Variants in SCFD2 observed in about 807,000 individuals in gnomAD.
SCFD2 encodes the protein sec1 family domain containing 2.
In SCFD2, 54 loss-of-function variants were observed where a neutral mutation model predicts 58.9. The observed-to-expected ratio is 0.92, with a 90% confidence interval of 0.74 to 1.15. SCFD2 has a LOEUF of 1.15. SCFD2 is among the 50% of genes most tolerant of loss of function. The probability of loss-of-function intolerance (pLI) is 0.00; values close to 1 mark genes in which losing one functional copy is unlikely to be tolerated. For synonymous variants in SCFD2, 321 were observed against 335.9 expected (o/e 0.96, Z 0.49); for missense variants, 805 against 836.6 (o/e 0.96, Z 0.47).
intron 3 of SCFD2, among the ~76,000 whole-genome samples, chr4:53,278,299 G>C (rs942077462): frequency 2.0e-5 from 3 of 151,556 alleles, no homozygotes; most frequent in African/African-American, 7.3e-5. Context: ...CCGGGAGGTG[G>C]AGTAAGCCGA....
intron 5 of SCFD2, chr4:52,948,572 C>T (rs766124356): frequency 4.4e-6 from 2 of 455,776 alleles, no homozygotes; most frequent in South Asian, 3.1e-5. Flanking sequence ...TGCTAATATT[C>T]TGTTCCTAGT....
chr4:53,124,298 A>G (rs1226497440), intron 5 of SCFD2, among the ~76,000 whole-genome samples: 1 of 152,226 alleles, frequency 6.6e-6, no homozygotes, highest in East Asian at 1.9e-4. Context: ...AGTGTCTGAT[A>G]ACCAAACTTC....
intron 4 of SCFD2, among the ~76,000 whole-genome samples, chr4:53,213,684 C>A (rs564932056): frequency 6.6e-6 from 1 of 151,802 alleles, no homozygotes; most frequent in East Asian, 1.9e-4. Context: ...TTATAAAGTT[C>A]TAGGGTACAT....
intron 4 of SCFD2, among the ~76,000 whole-genome samples, chr4:53,251,812 G>A (rs1203006764): frequency 1.3e-5 from 2 of 151,682 alleles, no homozygotes; most frequent in Non-Finnish European, 2.9e-5. Context: ...CATTCCCTTT[G>A]AAAACTGGCA....
At chr4:52,880,982 T>A (rs1718596164) in intron 8 of SCFD2, among the ~76,000 whole-genome samples, 1 of 152,236 alleles carries the variant, frequency 6.6e-6, no homozygotes, top group Non-Finnish European at 1.5e-5. Flanking sequence ...AAACCTGGAA[T>A]CTCCCACTTG....
intron 4 of SCFD2, among the ~76,000 whole-genome samples, chr4:53,272,663 G>A (rs1282142554): frequency 2.0e-5 from 3 of 149,906 alleles, no homozygotes; most frequent in Non-Finnish European, 4.4e-5. Flanking sequence ...AGAATACATG[G>A]ACACAGGAAG....
intron 4 of SCFD2, among the ~76,000 whole-genome samples, chr4:53,215,863 T>G (rs1728808935): frequency 6.6e-6 from 1 of 151,628 alleles, no homozygotes; most frequent in African/African-American, 2.4e-5. Context: ...GAAGGGCTGC[T>G]AATTTTATCA....
chr4:53,149,316 T>C (rs1726434765), intron 4 of SCFD2, among the ~76,000 whole-genome samples: 1 of 152,168 alleles, frequency 6.6e-6, no homozygotes, highest in South Asian at 2.1e-4. Context: ...ACCAAAATGA[T>C]AAGCACAAGT....
intron 4 of SCFD2, among the ~76,000 whole-genome samples, chr4:53,191,091 T>C (rs577277136): frequency 6.6e-5 from 10 of 152,220 alleles, no homozygotes; most frequent in African/African-American, 2.4e-4. Flanking sequence ...CTCACGCCTG[T>C]AATCCCAGCA....
At chr4:53,352,333 T>C (rs1216551311) in intron 2 of SCFD2, among the ~76,000 whole-genome samples, 9 of 152,210 alleles carry the variant, frequency 5.9e-5, no homozygotes, top group African/African-American at 2.4e-5. Context: ...ATACATAAAC[T>C]GATTCACTTA....
intron 8 of SCFD2, among the ~76,000 whole-genome samples, chr4:52,881,456 T>C (rs934580913): frequency 6.6e-6 from 1 of 152,222 alleles, no homozygotes; most frequent in Non-Finnish European, 1.5e-5. Context: ...TACTACCCAG[T>C]AGAATGGAAG....
chr4:52,885,558 T>C (rs1718718212), intron 8 of SCFD2, among the ~76,000 whole-genome samples, 189 bp downstream of exon 8: 1 of 151,486 alleles, frequency 6.6e-6, no homozygotes, highest in Non-Finnish European at 1.5e-5. Flanking sequence ...CTCCAGGGCA[T>C]GTCGGGCTGG....
intron 2 of SCFD2, among the ~76,000 whole-genome samples, chr4:53,344,295 T>C (rs778944824): frequency 2.6e-5 from 4 of 152,304 alleles, no homozygotes; most frequent in Non-Finnish European, 4.4e-5. Context: ...AGCATTTCTA[T>C]GCACCGATAA....
chr4:52,957,905 G>A (rs1720748165), intron 5 of SCFD2: 3 of 152,284 alleles, frequency 2.0e-5, no homozygotes, highest in South Asian at 2.1e-4. Context: ...CACCTCAAGC[G>A]GGACTCAGCA....
At chr4:52,985,785 C>A in intron 5 of SCFD2, among the ~76,000 whole-genome samples, 1 of 105,758 alleles carries the variant, frequency 9.5e-6, no homozygotes, top group Non-Finnish European at 2.0e-5. Context: ...TTGAAAGTCT[C>A]TCCAAATATG....
chr4:53,210,751 C>T (rs188516103), intron 4 of SCFD2, among the ~76,000 whole-genome samples: 1 of 152,050 alleles, frequency 6.6e-6, no homozygotes, highest in African/African-American at 2.4e-5. Context: ...ACTCCCACAG[C>T]CTTTGTTACA....
At chr4:52,897,974 T>C (rs555563203) in intron 7 of SCFD2, among the ~76,000 whole-genome samples, 101 of 152,364 alleles carry the variant, frequency 6.6e-4, no homozygotes, top group African/African-American at 2.3e-3. Context: ...TGATGGTAGT[T>C]TGTATTTCTG....
intron 6 of SCFD2, among the ~76,000 whole-genome samples, chr4:52,917,425 C>T (rs1415089763): frequency 2.6e-5 from 4 of 152,126 alleles, no homozygotes; most frequent in African/African-American, 7.2e-5. Flanking sequence ...TAAGTTCTCT[C>T]TCACTAAGAA....
At chr4:53,258,373 T>A (rs1357836676) in intron 4 of SCFD2, among the ~76,000 whole-genome samples, 1 of 151,908 alleles carries the variant, frequency 6.6e-6, no homozygotes, top group Admixed American at 6.6e-5. Context: ...TATGTCTTTG[T>A]GTCTTCATAG....
Sources: gnomAD v4.1 joint callset for allele counts (sites outside exome capture counted in the v4.1 genomes callset) on GRCh38, gnomAD v4.1.1 for gene constraint, MANE v1.5 for transcripts, NCBI Gene and HGNC (gene_info 2026-07-23, HGNC 2026-07-21) for gene names.